Variants in CNTNAP2 observed in about 807,000 individuals in gnomAD.
CNTNAP2 encodes the protein contactin associated protein 2, also known as contactin-associated protein-like 2.
A neutral mutation model predicts 155.2 loss-of-function variants in CNTNAP2; 98 were observed. The observed-to-expected ratio is 0.63, with a 90% CI of 0.54 to 0.75. The LOEUF is 0.75. CNTNAP2 is among the 30% of genes least tolerant of loss of function. CNTNAP2 has a pLI of 0.00. For synonymous variants in CNTNAP2, 651 were observed against 631.2 expected, an observed-to-expected ratio of 1.03 and a Z score of -0.47; for missense variants, 1,727 against 1,688.1, an observed-to-expected ratio of 1.02 and a Z score of -0.40.
intron 4 of CNTNAP2, among the ~76,000 whole-genome samples, chr7:147,089,360 T>A (rs1187873654): frequency 6.6e-6 from 1 of 152,194 alleles, no homozygotes; most frequent in African/African-American, 2.4e-5. Flanking sequence ...AGGCTTCTCA[T>A]GCTATGTATA....
intron 15 of CNTNAP2, among the ~76,000 whole-genome samples, chr7:147,994,263 T>C (rs780392219): frequency 6.6e-5 from 10 of 151,420 alleles, no homozygotes; most frequent in Non-Finnish European, 1.3e-4. Context: ...CCCAACTACT[T>C]GGGAGGCTGA....
intron 1 of CNTNAP2, among the ~76,000 whole-genome samples, chr7:146,495,737 T>A (rs1466215953): frequency 6.6e-6 from 1 of 152,178 alleles, no homozygotes; most frequent in East Asian, 1.9e-4. Flanking sequence ...TCTAAGAATA[T>A]GCTTGTGCAG....
chr7:148,212,040 A>G (rs1795560033), intron 18 of CNTNAP2, among the ~76,000 whole-genome samples: 1 of 152,220 alleles, frequency 6.6e-6, no homozygotes, highest in African/African-American at 2.4e-5. Flanking sequence ...AAAAGGCAAA[A>G]GGAATAGAAT....
intron 1 of CNTNAP2, among the ~76,000 whole-genome samples, chr7:146,691,965 C>G (rs1053538659): frequency 6.6e-6 from 1 of 152,064 alleles, no homozygotes; most frequent in African/African-American, 2.4e-5. Context: ...TCCTAAAACC[C>G]ATTACGAATG....
At chr7:147,631,918 A>G (rs750055396) in intron 12 of CNTNAP2, among the ~76,000 whole-genome samples, 1 of 152,214 alleles carries the variant, frequency 6.6e-6, no homozygotes, top group Non-Finnish European at 1.5e-5. Flanking sequence ...AGACATTGAC[A>G]TAGGCAAAAA....
chr7:148,254,387 T>C (rs558079645), intron 20 of CNTNAP2, among the ~76,000 whole-genome samples: 91 of 152,280 alleles, frequency 6.0e-4, no homozygotes, highest in Admixed American at 2.3e-3. Flanking sequence ...CAGAAGGGAA[T>C]AAAGACGAAA....
intron 1 of CNTNAP2, among the ~76,000 whole-genome samples, chr7:146,357,186 G>A (rs1244543943): frequency 7.2e-6 from 1 of 138,298 alleles, no homozygotes; most frequent in Non-Finnish European, 1.5e-5. Flanking sequence ...CTGCTTCCCA[G>A]CATAATTTCC....
At chr7:147,903,501 A>C in intron 13 of CNTNAP2, 64 bp from the exon 14 acceptor site, 1 of 1,547,436 alleles carries the variant, frequency 6.5e-7, no homozygotes, top group Non-Finnish European at 8.9e-7. Flanking sequence ...AGTGGGTGTA[A>C]GTGTGGCAGT....
chr7:147,097,596 G>A (rs902111058), intron 4 of CNTNAP2: 2 of 152,136 alleles, frequency 1.3e-5, no homozygotes, highest in African/African-American at 4.8e-5. Flanking sequence ...CAGTATGAGG[G>A]AAACGGTCCC....
At chr7:146,191,467 TAAC>T (rs1278192423) in intron 1 of CNTNAP2, among the ~76,000 whole-genome samples, 1 of 152,190 alleles carries the variant, frequency 6.6e-6, no homozygotes, top group Non-Finnish European at 1.5e-5. Context: ...TTGTCATTGA[TAAC>T]ATCTTATCAG....
At chr7:147,249,219 A>G (rs1804131744) in intron 8 of CNTNAP2, among the ~76,000 whole-genome samples, 1 of 152,170 alleles carries the variant, frequency 6.6e-6, no homozygotes, top group Non-Finnish European at 1.5e-5. Flanking sequence ...AAAACAGAAG[A>G]AAGGCTAGGA....
intron 10 of CNTNAP2, among the ~76,000 whole-genome samples, chr7:147,411,637 T>G (rs1797104246): frequency 6.6e-6 from 1 of 152,212 alleles, no homozygotes; most frequent in African/African-American, 2.4e-5. Flanking sequence ...AAATTTCATC[T>G]GATTTTCATA....
intron 8 of CNTNAP2, among the ~76,000 whole-genome samples, chr7:147,140,791 G>T (rs1563091002): frequency 6.6e-6 from 1 of 152,086 alleles, no homozygotes; most frequent in Admixed American, 6.6e-5. Flanking sequence ...AATTTTATGG[G>T]CAGGGGCCAG....
chr7:146,448,472 CG>C (rs1406447561), intron 1 of CNTNAP2, among the ~76,000 whole-genome samples: 1 of 150,836 alleles, frequency 6.6e-6, no homozygotes, highest in Non-Finnish European at 1.5e-5. Flanking sequence ...TTGCACTTAC[CG>C]TTGCTCTGTT....
rs116695410 is a variant in CNTNAP2, at chr7:147,652,033, G to C, written c.2098+12727G>C. On this transcript the variant is annotated intron_variant, in intron 13 of 23. Coordinates refer to ENST00000361727, the MANE Select transcript of CNTNAP2 (RefSeq NM_014141.6). ...TAAAGATGCTCAGAGAAATACGGTTGAAGAAACTCATCCTTACAGAAGCAC... is the reference window on the plus strand; with the variant it reads ...TAAAGATGCTCAGAGAAATACGGTTCAAGAAACTCATCCTTACAGAAGCAC... 3.7e-3 allele frequency among the ~76,000 whole-genome samples: 566 copies of C among 152,292 alleles called. 4 individuals are homozygous for C. Among genetic ancestry groups the C allele is most frequent in the African/African-American group, 0.013 (541 of 41,564 alleles).
rs1804668252 is a variant in CNTNAP2 at position 147,268,514 on chromosome 7, G to T, written c.1349-31627G>T. On this transcript the variant is annotated intron_variant, in intron 8 of 23. Coordinates refer to ENST00000361727, the MANE Select transcript of CNTNAP2 (RefSeq NM_014141.6). ...CATCATACACCGGGGCCTGTTGCAGGGTGTGGGGTAGGGGAGGGATCGCGT... is the reference window on the plus strand; with the variant it reads ...CATCATACACCGGGGCCTGTTGCAGTGTGTGGGGTAGGGGAGGGATCGCGT... Among the ~76,000 whole-genome samples, 3 of 152,112 alleles carry T rather than the reference G, an allele frequency of 2.0e-5. No individual in the cohort carries two copies. The South Asian group carries it at 6.2e-4, about 32-fold the overall frequency.
At position 146,667,810 on chromosome 7, in the gene CNTNAP2, C is replaced by T. The variant is rs1056154201; in HGVS notation, c.98-106461C>T. 3.3e-5 allele frequency among the ~76,000 whole-genome samples: 5 copies of T among 150,928 alleles called. No homozygotes were observed. In the South Asian group the frequency reaches 6.3e-4, roughly 19 times the overall value. On this transcript the variant is annotated intron_variant, in intron 1 of 23. Transcript: ENST00000361727. ...TGTGTATAGAAATGCTATGGATTTT[C>T]GTGTGTCGATTTTTTATTCTGCAAT...
chr7:147,187,527 T>G (rs1802591057), intron 8 of CNTNAP2, among the ~76,000 whole-genome samples: 1 of 152,088 alleles, frequency 6.6e-6, no homozygotes, highest in Non-Finnish European at 1.5e-5. Flanking sequence ...AACCAAATAC[T>G]ACATGTTCCC....
At chr7:146,967,345 G>T (rs985921858) in intron 3 of CNTNAP2, among the ~76,000 whole-genome samples, 3 of 152,128 alleles carry the variant, frequency 2.0e-5, no homozygotes, top group African/African-American at 7.2e-5. Flanking sequence ...ATCCTGTGAA[G>T]AAAGTCATTG....
Sources: gnomAD v4.1 joint callset for allele counts (sites outside exome capture counted in the v4.1 genomes callset) on GRCh38, gnomAD v4.1.1 for gene constraint, MANE v1.5 for transcripts, NCBI Gene and HGNC (gene_info 2026-07-23, HGNC 2026-07-21) for gene names.